Variants in CLUL1 observed in about 807,000 individuals in gnomAD.
CLUL1 encodes clusterin like 1, also known as clusterin-like protein 1.
In CLUL1, 43 loss-of-function variants were observed where a neutral mutation model predicts 49.4. The ratio of observed to expected loss-of-function variants is 0.87; its 90% CI spans 0.68 to 1.12. The LOEUF is 1.12. CLUL1 is among the 50% of genes most tolerant of loss of function. The pLI, the probability that CLUL1 is intolerant of heterozygous loss-of-function variation, is 0.00. For missense variants in CLUL1, 486 were observed against 544.4 expected, an observed-to-expected ratio of 0.89 and a Z score of 1.07; for synonymous variants, 192 against 184.9, an observed-to-expected ratio of 1.04 and a Z score of -0.31.
At chr18:629,274 G>A (rs368345575) in intron 6 of CLUL1, among the ~76,000 whole-genome samples, 2 of 152,140 alleles carry the variant, frequency 1.3e-5, no homozygotes, top group African/African-American at 2.4e-5. Flanking sequence ...AACACCAGGC[G>A]AGTAGACTAA....
At chr18:598,662 T>C (rs2072729740) in intron 1 of CLUL1, 1 of 398,016 alleles carries the variant, frequency 2.5e-6, no homozygotes, top group South Asian at 1.3e-4. Flanking sequence ...TGGATGGTTT[T>C]CTACAGCTGG....
chr18:623,535 C>T (rs1207023382), intron 4 of CLUL1, among the ~76,000 whole-genome samples: 2 of 150,650 alleles, frequency 1.3e-5, no homozygotes, highest in Non-Finnish European at 2.9e-5. Context: ...CTCCCAGCTA[C>T]TGGGGAGGCT....
intron 9 of CLUL1, among the ~76,000 whole-genome samples, chr18:648,543 ATTAC>A (rs2074582706): frequency 6.6e-6 from 1 of 152,114 alleles, no homozygotes; most frequent in Non-Finnish European, 1.5e-5. Flanking sequence ...AAGAAATAGA[ATTAC>A]TTGTTTAGAG....
At position 645,622 on chromosome 18, in the gene CLUL1, C is replaced by T. The variant is rs1375337642; in HGVS notation, c.1397+525C>T. On this transcript the variant is annotated intron_variant, in intron 9 of 9. Coordinates refer to ENST00000692774, the MANE Select transcript of CLUL1 (RefSeq NM_001393344.1). ...CATCCTGGATAACACGGAGAAACTG[C>T]GTCTCTACTAAAATAAAAAAAATTA... 4.7e-5 allele frequency among the ~76,000 whole-genome samples: 7 copies of T among 150,234 alleles called. No individual in the cohort carries two copies. In the East Asian group the frequency reaches 7.8e-4, roughly 17 times the overall value.
In CLUL1 at chr18:602,656, G is replaced by C. The variant is rs575389476; in HGVS notation, c.-135-4322G>C. 3.9e-5 allele frequency among the ~76,000 whole-genome samples: 6 copies of C among 152,304 alleles called. No individual in the cohort carries two copies. In the East Asian group the frequency reaches 9.6e-4, roughly 24 times the overall value. On this transcript the variant is annotated intron_variant, in intron 1 of 9. Coordinates refer to ENST00000692774, the MANE Select transcript of CLUL1 (RefSeq NM_001393344.1). ...AATAAATTATTGAAATAGAGGAAGA[G>C]ACAGGTAATAATAGAGGTATACACA...
intron 4 of CLUL1, among the ~76,000 whole-genome samples, chr18:624,447 ATGTACC>A (rs2073612056): frequency 6.6e-6 from 1 of 152,228 alleles, no homozygotes; most frequent in Non-Finnish European, 1.5e-5. Flanking sequence ...AAGAATTAAA[ATGTACC>A]AGCTTTATAA....
chr18:627,291 G>A lies in CLUL1; in HGVS notation c.618G>A (p.Gln206=). The A allele has an allele frequency of 6.2e-7, 1 of 1,614,048 alleles. No homozygotes were observed. Among genetic ancestry groups the A allele is most frequent in the Non-Finnish European group, 8.5e-7 (1 of 1,179,990 alleles). The part of the protein sequence containing the change: ...NRSFNVFRQM[Q]QEFDQTFQSH... Reference sequence around the variant, plus strand: ...GTTTTAACGTCTTCAGACAGATGCAGCAAGAGTTTGACCAGACTTTTCAAT... The same window carrying A: ...GTTTTAACGTCTTCAGACAGATGCAACAAGAGTTTGACCAGACTTTTCAAT... The change falls in exon 6 of 10, where the codon CAG becomes CAA. Residue 206 remains glutamine, a synonymous_variant. Coordinates refer to ENST00000692774, the MANE Select transcript of CLUL1 (RefSeq NM_001393344.1).
At chr18:624,240 T>C (rs2073603014) in intron 4 of CLUL1, among the ~76,000 whole-genome samples, 1 of 151,956 alleles carries the variant, frequency 6.6e-6, no homozygotes, top group Non-Finnish European at 1.5e-5. Flanking sequence ...CAAAGCTTGT[T>C]TATATTCCCA....
intron 2 of CLUL1, among the ~76,000 whole-genome samples, chr18:617,378 T>C (rs1363132183): frequency 6.6e-6 from 1 of 152,144 alleles, no homozygotes; most frequent in East Asian, 1.9e-4. Context: ...GCGGATCACC[T>C]GAGGTCAGTA....
chr18:648,142 G>A (rs960796264), intron 9 of CLUL1, among the ~76,000 whole-genome samples: 2 of 152,204 alleles, frequency 1.3e-5, no homozygotes, highest in African/African-American at 2.4e-5. Flanking sequence ...ACTCTACAGC[G>A]CTGGTGAGAC....
chr18:613,489 C>T (rs2073203971), intron 2 of CLUL1, among the ~76,000 whole-genome samples: 2 of 147,084 alleles, frequency 1.4e-5, no homozygotes, highest in South Asian at 2.2e-4. Context: ...GAGTCTCGCT[C>T]TGTTGCCCAG....
At position 618,329 on chromosome 18, in the gene CLUL1, T is replaced by G. The variant is rs1598418931; in HGVS notation, c.106+223T>G. On this transcript the variant is annotated intron_variant, in intron 3 of 9. Coordinates refer to ENST00000692774, the MANE Select transcript of CLUL1 (RefSeq NM_001393344.1). The surrounding 1 kb of genome is among the most constrained non-coding windows in gnomAD (Gnocchi z 4.2). The stretch of plus-strand genomic sequence containing the variant: ...TTCACCTTTCCAGATGTTTGTATCA[T>G]GTAGATACAACTTGCCAGTTTTTTC... Among the ~76,000 whole-genome samples, 1 of 152,240 alleles carries G rather than the reference T, an allele frequency of 6.6e-6. No homozygotes were observed. The highest frequency in any genetic ancestry group is 1.5e-5 in the Non-Finnish European group (1 of 68,042).
chr18:621,357 C>T (rs966045263), intron 4 of CLUL1, among the ~76,000 whole-genome samples: 1 of 152,152 alleles, frequency 6.6e-6, no homozygotes, highest in African/African-American at 2.4e-5. Flanking sequence ...GACAGGCTGA[C>T]CCCAAAGCTG....
In CLUL1 at chr18:645,517, C is replaced by T. The variant is rs189624328; in HGVS notation, c.1397+420C>T. 1.3e-4 allele frequency among the ~76,000 whole-genome samples: 20 copies of T among 151,836 alleles called. No homozygotes were observed. In the East Asian group the frequency reaches 3.3e-3, roughly 25 times the overall value. On this transcript the variant is annotated intron_variant, in intron 9 of 9. Coordinates refer to ENST00000692774, the MANE Select transcript of CLUL1 (RefSeq NM_001393344.1). ...TTATTTAAAATATTAAAATGTTGGCCGGGCGCAGTGGCTCATGCCTGTAAT... is the reference window on the plus strand; with the variant it reads ...TTATTTAAAATATTAAAATGTTGGCTGGGCGCAGTGGCTCATGCCTGTAAT...
intron 2 of CLUL1, among the ~76,000 whole-genome samples, chr18:610,831 G>A (rs1319229880): frequency 6.6e-6 from 1 of 152,084 alleles, no homozygotes; most frequent in Non-Finnish European, 1.5e-5. Flanking sequence ...GAGTCCAGGA[G>A]TTCGAGACCA....
In CLUL1 at chr18:626,750, A is replaced by T. The variant is rs142095740; in HGVS notation, c.424-347A>T. 7.1e-3 allele frequency among the ~76,000 whole-genome samples: 1,060 copies of T among 149,542 alleles called. 15 individuals are homozygous for T. The highest frequency in any genetic ancestry group is 0.025 in the African/African-American group (997 of 40,640). ...GCGGTGTGCAACTGTAATCCCAGCTACTCGGAAGGCTGAGACAGAAGAATC... is the reference window on the plus strand; with the variant it reads ...GCGGTGTGCAACTGTAATCCCAGCTTCTCGGAAGGCTGAGACAGAAGAATC... On this transcript the variant is annotated intron_variant, in intron 5 of 9. Transcript: ENST00000692774.
chr18:636,751 G>A (rs1261035060), intron 7 of CLUL1, among the ~76,000 whole-genome samples: 2 of 150,632 alleles, frequency 1.3e-5, no homozygotes, highest in African/African-American at 4.9e-5. Flanking sequence ...TCAGCCTCTC[G>A]AGTAGCTGGG....
intron 9 of CLUL1, among the ~76,000 whole-genome samples, chr18:645,810 A>AATATATATATATAT (rs35329822): frequency 3.3e-5 from 1 of 29,868 alleles, no homozygotes; most frequent in Admixed American, 5.1e-4. Flanking sequence ...AAAAAAAAAA[A>AATATATATATATAT]ATATATATAT....
chr18:633,310 G>A lies in CLUL1; in HGVS notation c.869G>A (p.Gly290Glu). 1 of 1,612,628 alleles carries A rather than the reference G, an allele frequency of 6.2e-7. No individual in the cohort carries two copies. The highest frequency in any genetic ancestry group is 8.5e-7 in the Non-Finnish European group (1 of 1,179,118). ...ATGTTCCCTGTAGCTCCTGACCACG[G>A]AGGCCTGATTTCAAAGATGTTACCT... ...LPKQDKAPDH[G>E]GLISKMLPGQ... The change falls in exon 7 of 10, where the codon GGA becomes GAA. Residue 290 changes from glycine to glutamate, a missense_variant. Transcript: ENST00000692774.
Sources: allele counts gnomAD v4.1 joint callset (sites outside exome capture counted in the v4.1 genomes callset), GRCh38; gene constraint gnomAD v4.1.1; non-coding constraint Gnocchi (gnomAD v3.1); transcripts MANE v1.5; gene names NCBI Gene and HGNC (gene_info 2026-07-23, HGNC 2026-07-21).